Variants in THBS2 observed in about 807,000 individuals in gnomAD.
THBS2 encodes the protein thrombospondin 2, also known as thrombospondin-2.
Under a neutral mutation model 135.2 loss-of-function variants are expected in THBS2, and 47 were observed. The observed-to-expected ratio is 0.35, with a 90% CI of 0.28 to 0.44. THBS2 has a LOEUF of 0.44. Ranked by LOEUF, THBS2 falls within the 20% of genes least tolerant of loss-of-function variation. THBS2 has a pLI of 1.00. For synonymous variants in THBS2, 639 were observed against 633.8 expected (o/e 1.01, Z -0.12); for missense variants, 1,288 against 1,603.1 (o/e 0.80, Z 3.36).
chr6:169,238,653 C>T (rs1404976052), intron 7 of THBS2, among the ~76,000 whole-genome samples: 1 of 152,220 alleles, frequency 6.6e-6, no homozygotes, highest in African/African-American at 2.4e-5. Flanking sequence ...ATAGGGGATA[C>T]ATTTTCTGCA....
At chr6:169,218,936 T>A (rs1285127300) in intron 21 of THBS2, among the ~76,000 whole-genome samples, 5 of 138,302 alleles carry the variant, frequency 3.6e-5, no homozygotes, top group Admixed American at 1.4e-4. Context: ...GATGAGTAGG[T>A]GGGTGGATGA....
At chr6:169,228,402 C>T in intron 14 of THBS2, 121 bp from the exon 15 acceptor site, 2 of 1,293,952 alleles carry the variant, frequency 1.5e-6, no homozygotes, top group Non-Finnish European at 2.1e-6. Context: ...CAAACAAACA[C>T]AAAAGCCAGT....
Position 169,226,066 on chromosome 6 carries a change from T to C in THBS2, c.2538+114A>G, listed in dbSNP as rs534304949. 1.1e-4 allele frequency: 132 copies of C among 1,162,410 alleles called. No homozygotes were observed. Among genetic ancestry groups the C allele is most frequent in the South Asian group, 2.0e-4 (13 of 64,832 alleles). 72.0% of individuals were successfully genotyped at this position (1,162,410 alleles called of 1,614,324 possible). ...ACCCGCCTGCCCATGGCTGCCCTCA[T>C]CTGGTCAGGGTTGTGCACCAGGGGC... On this transcript the variant is annotated intron_variant, in intron 16 of 21. Coordinates refer to ENST00000617924, the MANE Select transcript of THBS2 (RefSeq NM_003247.5).
At position 169,241,807 on chromosome 6, in the gene THBS2, C is replaced by G; in HGVS notation, c.846G>C (p.Gly282=). 6.2e-7 allele frequency: 1 copy of G among 1,612,372 alleles called. No homozygotes were observed. The highest frequency in any genetic ancestry group is 8.5e-7 in the Non-Finnish European group (1 of 1,179,606). Residue 282 remains glycine (G), a synonymous_variant, in exon 5 of 22, where the codon GGG becomes GGC. Coordinates refer to ENST00000617924, the MANE Select transcript of THBS2 (RefSeq NM_003247.5). This position sits in a 1 kb window ranked among gnomAD's most constrained non-coding sequence, Gnocchi z 5.5. The stretch of plus-strand genomic sequence containing the variant: ...TGAGCTGGTTCACGAGGACGTGGAG[C>G]CCCGAGAGCTCCTGGACCATGTTTC... ...ELGNMVQELS[G]LHVLVNQLSE...
intron 17 of THBS2, among the ~76,000 whole-genome samples, chr6:169,224,211 T>C (rs1258393744): frequency 6.6e-6 from 1 of 152,258 alleles, no homozygotes; most frequent in Non-Finnish European, 1.5e-5. Flanking sequence ...TTCAAGAACA[T>C]ACTCCAGCTA....
At chr6:169,220,721 C>G (rs1779394658) in intron 20 of THBS2, among the ~76,000 whole-genome samples, 1 of 152,204 alleles carries the variant, frequency 6.6e-6, no homozygotes, top group Non-Finnish European at 1.5e-5. Flanking sequence ...CTCTCCTCCC[C>G]ACTGTGGAAG....
rs937975225 is a variant in THBS2, at chr6:169,216,609, G to C, written c.*1213C>G. ...TCGCTGGCAACATTATATATTTAAG[G>C]TTCCATCATAAACTCCTCATTATTC... On this transcript the variant is annotated 3_prime_UTR_variant, in exon 22 of 22. Transcript: ENST00000617924. The C allele has an allele frequency of 6.6e-6, 1 of 151,902 alleles. No individual in the cohort carries two copies. Among genetic ancestry groups the C allele is most frequent in the African/African-American group, 2.4e-5 (1 of 41,290 alleles). The allele number at this position is 151,902 out of a possible 1,614,324, so 9.4% of individuals were successfully genotyped here.
intron 10 of THBS2, 138 bp from the exon 11 acceptor site, chr6:169,233,155 G>T: frequency 7.8e-7 from 1 of 1,276,242 alleles, no homozygotes; most frequent in Non-Finnish European, 1.0e-6. Context: ...GTGTGATTCT[G>T]GATGATCATC....
intron 1 of THBS2, among the ~76,000 whole-genome samples, chr6:169,253,249 T>C (rs1211112784): frequency 2.0e-5 from 3 of 152,044 alleles, no homozygotes; most frequent in Admixed American, 2.0e-4. Flanking sequence ...ACGATCAGAG[T>C]CTCTCTCTAA....
At chr6:169,238,276 G>A (rs1269121154) in intron 7 of THBS2, among the ~76,000 whole-genome samples, 1 of 152,150 alleles carries the variant, frequency 6.6e-6, no homozygotes, top group Non-Finnish European at 1.5e-5. Context: ...CAAGTAAACT[G>A]AAACAAGCTA....
intron 13 of THBS2, 91 bp from the exon 14 acceptor site, chr6:169,229,770 A>G: frequency 1.9e-6 from 2 of 1,033,060 alleles, no homozygotes; most frequent in South Asian, 2.7e-5. Flanking sequence ...CATGGCGCCG[A>G]GGAAGGAAGC....
intron 15 of THBS2, among the ~76,000 whole-genome samples, chr6:169,227,904 A>C (rs1779696824): frequency 6.6e-6 from 1 of 152,124 alleles, no homozygotes; most frequent in African/African-American, 2.4e-5. Context: ...CAACATGGTG[A>C]AACCTCGTCT....
At chr6:169,227,189 G>A (rs927122577) in intron 15 of THBS2, among the ~76,000 whole-genome samples, 6 of 152,286 alleles carry the variant, frequency 3.9e-5, no homozygotes, top group East Asian at 1.9e-4. Context: ...GGCTGGCGCC[G>A]GGCTGGGAAG....
rs189777776 is a variant in THBS2 at position 169,220,827 on chromosome 6, G to A, written c.3372-490C>T. ...AGGCCCCCTAGGGAAACGTTCCAGC[G>A]AGGCCACGAGCCTGCACTTCACCCA... On this transcript the variant is annotated intron_variant, in intron 20 of 21. Transcript: ENST00000617924. Among the ~76,000 whole-genome samples the A allele has an allele frequency of 4.4e-4, 67 of 152,294 alleles. No individual in the cohort carries two copies. The South Asian group carries it at 6.6e-3, about 15-fold the overall frequency.
intron 14 of THBS2, among the ~76,000 whole-genome samples, chr6:169,229,047 A>C (rs1779739951): frequency 2.0e-5 from 3 of 152,226 alleles, no homozygotes. Context: ...CTTCATGGTG[A>C]GGAGAGATAT....
chr6:169,232,037 G>A lies in THBS2; in HGVS notation c.2094C>T (p.Asp698=), dbSNP rs1478299951. 15 of 1,614,062 alleles carry A rather than the reference G, an allele frequency of 9.3e-6. No individual in the cohort carries two copies. The highest frequency in any genetic ancestry group is 1.1e-5 in the Non-Finnish European group (13 of 1,179,972). ...GLICGEDSDL[D]GWPNLNLVCA... ...AGACCAGATTGAGGTTGGGCCAGCC[G>A]TCCAGGTCCGAGTCCTCCCCGCAGA... The change falls in exon 13 of 22, where the codon GAC becomes GAT. Residue 698 remains aspartate (D), a synonymous_variant. Transcript: ENST00000617924.
Position 169,237,159 on chromosome 6 carries a change from A to G in THBS2, c.1477+11T>C. On this transcript the variant is annotated intron_variant, in intron 9 of 21. Coordinates refer to ENST00000617924, the MANE Select transcript of THBS2 (RefSeq NM_003247.5). ...CCCGCCCACCCAGGGCCCCGCCTTC[A>G]CCGTACTTACTTGGGCATGGGGCGC... 1.3e-6 allele frequency: 2 copies of G among 1,597,820 alleles called. No homozygotes were observed. Among genetic ancestry groups the G allele is most frequent in the Non-Finnish European group, 1.7e-6 (2 of 1,175,812 alleles).
Position 169,228,274 on chromosome 6 carries a change from C to T in THBS2, c.2267G>A (p.Cys756Tyr). Residue 756 changes from cysteine (C) to tyrosine (Y), a missense_variant, in exon 15 of 22, where the codon TGC becomes TAC. Transcript: ENST00000617924. The part of the protein sequence containing the change: ...NDGVTDEKDN[C>Y]QLLFNPRQAD... ...CTGGCGGGGATTGAAGAGGAGCTGG[C>T]AGTTGTCCTGGAAAACCAAGAAAGG... 3 of 1,614,020 alleles carry T rather than the reference C, an allele frequency of 1.9e-6. No homozygotes were observed. Among genetic ancestry groups the T allele is most frequent in the Non-Finnish European group, 2.5e-6 (3 of 1,179,996 alleles).
chr6:169,216,314 T>C lies in THBS2; in HGVS notation c.*1508A>G, dbSNP rs903851809. The C allele has an allele frequency of 2.6e-5, 4 of 152,192 alleles. No homozygotes were observed. The highest frequency in any genetic ancestry group is 9.7e-5 in the African/African-American group (4 of 41,440). 9.4% of individuals were successfully genotyped at this position (152,192 alleles called of 1,614,324 possible). A position where few individuals can be genotyped will look rare whatever the true frequency, so the allele number is the denominator to read the frequency against. ...AGAAAGGGGAAAAAGATTTGCCCCC[T>C]ATCCATCATCAGACAGACAGACTTC... On this transcript the variant is annotated 3_prime_UTR_variant, in exon 22 of 22. Transcript: ENST00000617924.
Sources: gnomAD v4.1 joint callset for allele counts (sites outside exome capture counted in the v4.1 genomes callset) on GRCh38, gnomAD v4.1.1 for gene constraint, Gnocchi (gnomAD v3.1) non-coding constraint, MANE v1.5 for transcripts, NCBI Gene and HGNC (gene_info 2026-07-23, HGNC 2026-07-21) for gene names.